Variants in GGT1 observed in about 807,000 individuals in gnomAD.
GGT1 encodes gamma-glutamyltransferase 1, also known as glutathione hydrolase 1 proenzyme.
A neutral mutation model predicts 56.0 loss-of-function variants in GGT1; 21 were observed. The ratio of observed to expected loss-of-function variants is 0.38; its 90% CI spans 0.27 to 0.54. GGT1 has a LOEUF of 0.54. GGT1 is among the 20% of genes least tolerant of loss of function. GGT1 has a pLI of 0.82. For synonymous variants in GGT1, 238 were observed against 342.6 expected (o/e 0.69, Z 3.37); for missense variants, 466 against 787.0 (o/e 0.59, Z 4.88).
chr22:24,595,849 C>T (rs1041431457), intron 1 of GGT1, among the ~76,000 whole-genome samples: 3 of 152,240 alleles, frequency 2.0e-5, no homozygotes, highest in African/African-American at 7.2e-5. Flanking sequence ...GGGCCCTTCT[C>T]TACCCACCCA....
chr22:24,625,222 C>A (rs2047673235), intron 11 of GGT1, among the ~76,000 whole-genome samples: 1 of 152,166 alleles, frequency 6.6e-6, no homozygotes, highest in South Asian at 2.1e-4. Flanking sequence ...GTCGGGGTGA[C>A]ACAACCTGTT....
the GGT1 span, chr22:24,588,221 G>C: frequency 6.2e-7 from 1 of 1,612,228 alleles, no homozygotes; most frequent in South Asian, 1.1e-5. Context: ...TACCAGCTCT[G>C]GGTCTTCCTC....
At chr22:24,599,141 A>G (rs1299923183), upstream of GGT1, 2 of 152,184 alleles carry the variant, frequency 1.3e-5, no homozygotes, top group Non-Finnish European at 2.9e-5. Context: ...GACAGCTGGC[A>G]TCCATCCATT....
chr22:24,611,773 TTGTGTG>T (rs57600451), intron 5 of GGT1, among the ~76,000 whole-genome samples: 1,696 of 130,982 alleles, frequency 0.013, 29 homozygotes, highest in South Asian at 0.046. Flanking sequence ...CCCAACAAAT[TTGTGTG>T]TGTGTGTGTG....
At chr22:24,618,156 G>T (rs937596580) in intron 7 of GGT1, among the ~76,000 whole-genome samples, 5 of 152,144 alleles carry the variant, frequency 3.3e-5, no homozygotes, top group Non-Finnish European at 5.9e-5. Flanking sequence ...AATGATCAAG[G>T]CAGGGTATTT....
rs557687660 is a variant in GGT1 at position 24,628,426 on chromosome 22, G to A, written c.1563+38G>A. 5 of 1,608,056 alleles carry A rather than the reference G, an allele frequency of 3.1e-6. No individual in the cohort carries two copies. In the Admixed American group the frequency reaches 5.0e-5, roughly 16 times the overall value. On this transcript the variant is annotated intron_variant, in intron 15 of 15. Transcript: ENST00000400382. This position sits in a 1 kb window ranked among gnomAD's most constrained non-coding sequence, Gnocchi z 5.7. ...TTGGAGAAACTGAGTCAAGGTGTGG[G>A]GCCCCAGGGCATCCTGGGCTGGAGG...
chr22:24,626,504 ATTT>A (rs1039600961), intron 11 of GGT1, among the ~76,000 whole-genome samples: 1 of 143,930 alleles, frequency 6.9e-6, no homozygotes, highest in African/African-American at 2.6e-5. Flanking sequence ...TTATTTATTT[ATTT>A]TTTTTAATAC....
At chr22:24,604,854 G>A (rs2045933119) in intron 1 of GGT1, among the ~76,000 whole-genome samples, 1 of 147,716 alleles carries the variant, frequency 6.8e-6, no homozygotes, top group African/African-American at 2.5e-5. Flanking sequence ...CCCCTCTCTG[G>A]AATCCTCAGC....
the GGT1 span, chr22:24,586,276 G>A: frequency 3.0e-5 from 48 of 1,613,776 alleles, no homozygotes; most frequent in Admixed American, 8.0e-4. Flanking sequence ...TGAAGCTCAG[G>A]TCCAGCACCG....
chr22:24,613,753 A>G (rs2046864063), intron 5 of GGT1, among the ~76,000 whole-genome samples: 1 of 146,974 alleles, frequency 6.8e-6, no homozygotes, highest in Non-Finnish European at 1.5e-5. Flanking sequence ...CCCTCTCAGA[A>G]AAAAAAAAAG....
chr22:24,622,573 A>C (rs1261300886), intron 9 of GGT1, among the ~76,000 whole-genome samples: 9 of 152,022 alleles, frequency 5.9e-5, no homozygotes, highest in Admixed American at 4.6e-4. Flanking sequence ...CAAAAAACAA[A>C]AAAAAAGTAG....
intron 11 of GGT1, chr22:24,624,185 T>C (rs1306435251): frequency 6.1e-6 from 6 of 985,172 alleles, no homozygotes; most frequent in Non-Finnish European, 7.2e-6. Context: ...TGCTCAGTGC[T>C]GAGATGAGGA....
At chr22:24,607,883 G>C (rs2046423656) in intron 1 of GGT1, 71 bp from the exon 2 acceptor site, 2 of 420,020 alleles carry the variant, frequency 4.8e-6, no homozygotes, top group African/African-American at 4.0e-5. Context: ...ACTCTGGAGA[G>C]TGGCGGGGGG....
upstream of GGT1, chr22:24,592,900 G>T (rs1430323437): frequency 7.8e-7 from 1 of 1,281,080 alleles, no homozygotes; most frequent in Non-Finnish European, 9.9e-7. Context: ...GGCGCGCTCC[G>T]GCCGCCGCTC....
At chr22:24,588,197 G>T in the GGT1 span, 1 of 1,590,986 alleles carries the variant, frequency 6.3e-7, no homozygotes, top group Admixed American at 1.7e-5. Context: ...GAGGGGCAGT[G>T]GCTGGGCTAC....
chr22:24,608,258 G>A (rs1278581329), intron 2 of GGT1, among the ~76,000 whole-genome samples: 1 of 152,194 alleles, frequency 6.6e-6, no homozygotes, highest in Non-Finnish European at 1.5e-5. Context: ...ATCTGCCTGT[G>A]GGAGGCTGGG....
intron 1 of GGT1, among the ~76,000 whole-genome samples, chr22:24,595,931 G>A (rs2045685348): frequency 6.6e-6 from 1 of 152,224 alleles, no homozygotes; most frequent in African/African-American, 2.4e-5. Flanking sequence ...GTAGCTGAGT[G>A]GCACTGAGCC....
In GGT1 at chr22:24,612,157, C is replaced by G. The variant is rs140907673; in HGVS notation, c.164+912C>G. 3.1e-3 allele frequency among the ~76,000 whole-genome samples: 471 copies of G among 150,554 alleles called. 3 individuals carry two copies. Among genetic ancestry groups the G allele is most frequent in the African/African-American group, 0.011 (459 of 41,008 alleles). On this transcript the variant is annotated intron_variant, in intron 5 of 15. Transcript: ENST00000400382. ...GTTTCACCATGTTGGTCAGGCTGGT[C>G]TTGAACTCCTGACCTCAGGTAATCC...
chr22:24,585,304 G>A, the GGT1 span, among the ~76,000 whole-genome samples: 4 of 152,328 alleles, frequency 2.6e-5, no homozygotes, highest in South Asian at 4.1e-4. Context: ...GGGCTCAGAC[G>A]TGAGCTTGCT....
Sources: allele counts gnomAD v4.1 joint callset (sites outside exome capture counted in the v4.1 genomes callset), GRCh38; gene constraint gnomAD v4.1.1; non-coding constraint Gnocchi (gnomAD v3.1); transcripts MANE v1.5; gene names NCBI Gene and HGNC (gene_info 2026-07-23, HGNC 2026-07-21).